The following FLVCR2 variants were observed in gnomAD, a reference collection of about 807,000 sequenced individuals.
FLVCR2 encodes the protein choline/ethanolamine transporter FLVCR2.
FLVCR2 carries 38 observed loss-of-function variants against 48.9 expected under a neutral mutation model. That is an observed-to-expected ratio of 0.78 (90% confidence interval 0.60 to 1.02). The LOEUF is 1.02. FLVCR2 is among the 50% of genes least tolerant of loss of function. FLVCR2 has a pLI of 0.00. For synonymous variants in FLVCR2, 255 were observed against 257.0 expected (o/e 0.99, Z 0.07); for missense variants, 664 against 663.3 (o/e 1.00, Z -0.01).
chr14:75,579,260 G>A lies in FLVCR2; in HGVS notation c.288G>A (p.Met96Ile). Residue 96 changes from methionine to isoleucine, a missense_variant, in exon 1 of 10, where the codon ATG (methionine) becomes ATA (isoleucine). Coordinates refer to ENST00000238667, the MANE Select transcript of FLVCR2 (RefSeq NM_017791.3). The part of the protein sequence containing the change: ...AVVLVFSCYS[M>I]CNSFQWIQYG... ...TCCTGGTGTTTAGCTGCTACTCCAT[G>A]TGCAACTCCTTTCAGTGGATCCAGT... 2 of 1,614,246 alleles carry A rather than the reference G, an allele frequency of 1.2e-6. No individual in the cohort carries two copies. Among genetic ancestry groups the A allele is most frequent in the Non-Finnish European group, 1.7e-6 (2 of 1,180,056 alleles).
At chr14:75,616,041 A>AAAAAAAAAAAAAAAAAAAAAC (rs1889606789) in intron 1 of FLVCR2, among the ~76,000 whole-genome samples, 1 of 144,626 alleles carries the variant, frequency 6.9e-6, no homozygotes, top group Non-Finnish European at 1.5e-5. Flanking sequence ...AAAAAAAAAA[A>AAAAAAAAAAAAAAAAAAAAAC]AAAAAAATAG....
intron 5 of FLVCR2, among the ~76,000 whole-genome samples, chr14:75,635,681 A>G (rs138768976): frequency 2.5e-3 from 387 of 152,180 alleles, no homozygotes; most frequent in African/African-American, 8.9e-3. Flanking sequence ...CCTGGGCAAC[A>G]TGGTGAAACC....
At chr14:75,631,080 A>G (rs1035233050) in intron 3 of FLVCR2, among the ~76,000 whole-genome samples, 1 of 152,222 alleles carries the variant, frequency 6.6e-6, no homozygotes, top group African/African-American at 2.4e-5. Flanking sequence ...CATCTAGACC[A>G]AAGATGGATT....
At chr14:75,641,749 T>C in intron 8 of FLVCR2, 94 bp from the exon 9 acceptor site, 1 of 1,166,978 alleles carries the variant, frequency 8.6e-7, no homozygotes, top group Non-Finnish European at 1.3e-6. Context: ...AAGTTTGGGA[T>C]ACCTGTGACC....
rs1229619388 is a variant in FLVCR2, at chr14:75,646,697, C to T, written c.*225C>T. The T allele has an allele frequency of 5.3e-6, 3 of 566,452 alleles. No individual in the cohort carries two copies. Among genetic ancestry groups the T allele is most frequent in the Admixed American group, 4.7e-5 (2 of 42,232 alleles). 35.1% of individuals were successfully genotyped at this position (566,452 alleles called of 1,614,324 possible). A position where few individuals can be genotyped will look rare whatever the true frequency, so the allele number is the denominator to read the frequency against. ...CAAATGCAAATTTGATTCCCACCTC[C>T]ACCCCCTTTTAGGTTATGGGAGTTG... is the stretch of plus-strand genomic sequence containing the variant. On this transcript the variant is annotated 3_prime_UTR_variant, in exon 10 of 10. Transcript: ENST00000238667.
intron 1 of FLVCR2, among the ~76,000 whole-genome samples, chr14:75,593,702 T>C (rs1594793055): frequency 1.3e-5 from 2 of 152,230 alleles, no homozygotes; most frequent in East Asian, 1.9e-4. Flanking sequence ...ATCCGAACCA[T>C]AGCACTTGTC....
intron 1 of FLVCR2, among the ~76,000 whole-genome samples, chr14:75,581,714 TAA>T (rs1411988807): frequency 5.9e-5 from 9 of 152,100 alleles, no homozygotes. Flanking sequence ...GGCATGTGAG[TAA>T]AGTCAATTTG....
intron 1 of FLVCR2, among the ~76,000 whole-genome samples, chr14:75,584,091 C>T (rs903188867): frequency 3.9e-5 from 6 of 152,262 alleles, no homozygotes; most frequent in South Asian, 2.1e-4. Flanking sequence ...GGAGGAATCC[C>T]GGGCTGCGGG....
chr14:75,595,384 T>C (rs534015270), intron 1 of FLVCR2, among the ~76,000 whole-genome samples: 22 of 152,224 alleles, frequency 1.4e-4, no homozygotes, highest in Non-Finnish European at 3.1e-4. Context: ...CGAAAGGCTC[T>C]AGAAAGTGAC....
At chr14:75,606,550 T>C (rs138011324) in intron 1 of FLVCR2, among the ~76,000 whole-genome samples, 1 of 152,180 alleles carries the variant, frequency 6.6e-6, no homozygotes, top group South Asian at 2.1e-4. Flanking sequence ...CTAGGGTACA[T>C]AGGGGAAGCC....
At chr14:75,628,014 G>A (rs190083766) in intron 3 of FLVCR2, among the ~76,000 whole-genome samples, 26 of 152,312 alleles carry the variant, frequency 1.7e-4, no homozygotes, top group African/African-American at 6.3e-4. Context: ...TAGAGTTTTA[G>A]CTTCTTGCCT....
At chr14:75,590,692 CTCTT>C (rs1566783236) in intron 1 of FLVCR2, among the ~76,000 whole-genome samples, 2 of 152,216 alleles carry the variant, frequency 1.3e-5, no homozygotes, top group Non-Finnish European at 2.9e-5. Context: ...CTCCCTCTCT[CTCTT>C]TCTTGCTTCT....
chr14:75,601,525 TA>T (rs1018375506), intron 1 of FLVCR2, among the ~76,000 whole-genome samples: 22 of 148,808 alleles, frequency 1.5e-4, no homozygotes, highest in African/African-American at 2.7e-4. Flanking sequence ...TGGCTATTAT[TA>T]AAAAAAAAAG....
chr14:75,635,534 T>C (rs759642506), intron 5 of FLVCR2, among the ~76,000 whole-genome samples: 9 of 152,204 alleles, frequency 5.9e-5, no homozygotes, highest in Non-Finnish European at 1.3e-4. Context: ...TGGACCTGAA[T>C]GCCCAGTGCA....
At chr14:75,645,033 G>GGTGT (rs71119379) in intron 9 of FLVCR2, among the ~76,000 whole-genome samples, 112 of 13,054 alleles carry the variant, frequency 8.6e-3, no homozygotes, top group Non-Finnish European at 0.019. Context: ...AGGCGGGCGT[G>GGTGT]GTGTGTGTGT....
At position 75,647,754 on chromosome 14, in the gene FLVCR2, A is replaced by T. The variant is rs950816571; in HGVS notation, c.*1282A>T. ...TTTTCCTATGCATTGGGCAACTGTGATCGTGACCACTGTGCTGTCTTGCTC... is the reference window on the plus strand; with the variant it reads ...TTTTCCTATGCATTGGGCAACTGTGTTCGTGACCACTGTGCTGTCTTGCTC... On this transcript the variant is annotated 3_prime_UTR_variant, in exon 10 of 10. Transcript: ENST00000238667. 6.5e-6 allele frequency: 1 copy of T among 152,690 alleles called. No individual in the cohort carries two copies. Among genetic ancestry groups the T allele is most frequent in the African/African-American group, 2.4e-5 (1 of 41,460 alleles). 9.5% of individuals were successfully genotyped at this position (152,690 alleles called of 1,614,324 possible).
At chr14:75,581,879 C>G (rs766662226) in intron 1 of FLVCR2, among the ~76,000 whole-genome samples, 2 of 152,112 alleles carry the variant, frequency 1.3e-5, no homozygotes, top group Non-Finnish European at 2.9e-5. Flanking sequence ...ATGAGAGGTT[C>G]TAAGAGGCGG....
intron 3 of FLVCR2, among the ~76,000 whole-genome samples, chr14:75,628,190 C>T (rs1482078681): frequency 1.3e-5 from 2 of 152,176 alleles, no homozygotes; most frequent in African/African-American, 4.8e-5. Context: ...TCTCGGCTCA[C>T]TGCAACCTCC....
At chr14:75,591,226 A>G (rs1441777483) in intron 1 of FLVCR2, among the ~76,000 whole-genome samples, 1 of 152,064 alleles carries the variant, frequency 6.6e-6, no homozygotes. Context: ...ATTTTTTTGT[A>G]GAGACGGAGT....
Sources: allele counts gnomAD v4.1 joint callset (sites outside exome capture counted in the v4.1 genomes callset), GRCh38; gene constraint gnomAD v4.1.1; transcripts MANE v1.5; gene names NCBI Gene and HGNC (gene_info 2026-07-23, HGNC 2026-07-21).